The following ADCY8 variants were observed in gnomAD, a reference collection of about 807,000 sequenced individuals.
ADCY8 encodes adenylate cyclase 8, also known as adenylate cyclase type 8.
ADCY8 carries 51 observed loss-of-function variants against 119.7 expected under a neutral mutation model. The observed-to-expected ratio is 0.43, with a 90% confidence interval of 0.34 to 0.54. The LOEUF is 0.54. Among genes scored for constraint, ADCY8 ranks in the 20% least tolerant of loss-of-function variants. The pLI is 0.03. For synonymous variants in ADCY8, 665 were observed against 651.0 expected, an observed-to-expected ratio of 1.02 and a Z score of -0.33; for missense variants, 1,383 against 1,598.8, an observed-to-expected ratio of 0.87 and a Z score of 2.30.
chr8:130,917,050 A>T (rs1820151215), intron 5 of ADCY8, among the ~76,000 whole-genome samples: 1 of 152,196 alleles, frequency 6.6e-6, no homozygotes, highest in Non-Finnish European at 1.5e-5. Flanking sequence ...TCTCATTTTG[A>T]TAGCCACAGT....
intron 5 of ADCY8, among the ~76,000 whole-genome samples, chr8:130,932,097 C>T (rs971884509): frequency 6.6e-6 from 1 of 152,178 alleles, no homozygotes; most frequent in Non-Finnish European, 1.5e-5. Flanking sequence ...TGGGAAAGCA[C>T]TACGGCAGGT....
rs1321771549 is a variant in ADCY8 at position 130,849,775 on chromosome 8, T to C, written c.2239A>G (p.Ile747Val). 1.9e-6 allele frequency: 3 copies of C among 1,613,446 alleles called. No homozygotes were observed. In the East Asian group the frequency reaches 6.7e-5, roughly 36 times the overall value. The change falls in exon 10 of 18, where the codon ATT becomes GTT. Residue 747 changes from isoleucine to valine, a missense_variant. Physicochemically the swap from Ile to Val is conservative, Grantham distance 29. Coordinates refer to ENST00000286355, the MANE Select transcript of ADCY8 (RefSeq NM_001115.3). ...RVMPMTIQFS[I>V]LIMLHSALVL... ...AGAGCCGAGTGCAGCATAATCAGAA[T>C]GGAGAACTGGATGGTCATTGGCATC...
At chr8:130,923,348 C>T (rs1340937604) in intron 5 of ADCY8, among the ~76,000 whole-genome samples, 1 of 152,196 alleles carries the variant, frequency 6.6e-6, no homozygotes. Context: ...CAGGTTTAGG[C>T]ATTCTTGCCT....
chr8:130,877,060 A>G (rs895971251), intron 8 of ADCY8, among the ~76,000 whole-genome samples: 2 of 152,184 alleles, frequency 1.3e-5, no homozygotes, highest in African/African-American at 4.8e-5. Flanking sequence ...CCATAAAGGA[A>G]GTTGTGACAC....
chr8:130,857,267 A>G (rs1817772931), intron 9 of ADCY8, among the ~76,000 whole-genome samples: 1 of 152,048 alleles, frequency 6.6e-6, no homozygotes, highest in Non-Finnish European at 1.5e-5. Context: ...AATAAAAACA[A>G]AAGCCCATCC....
At chr8:130,853,482 T>C (rs1817606470) in intron 9 of ADCY8, among the ~76,000 whole-genome samples, 1 of 152,186 alleles carries the variant, frequency 6.6e-6, no homozygotes, top group Non-Finnish European at 1.5e-5. Context: ...GGAGGCCATG[T>C]GGTCTCTTGA....
At chr8:130,803,231 A>T (rs1273717749) in intron 14 of ADCY8, among the ~76,000 whole-genome samples, 1 of 152,174 alleles carries the variant, frequency 6.6e-6, no homozygotes, top group African/African-American at 2.4e-5. Flanking sequence ...TTCCTTTACC[A>T]GGCTAACTCT....
chr8:130,905,414 G>T (rs556106015), intron 6 of ADCY8, among the ~76,000 whole-genome samples: 1 of 152,108 alleles, frequency 6.6e-6, no homozygotes. Context: ...CGTACTATTT[G>T]GTGCTTACTA....
chr8:130,811,966 A>G (rs1816181374), intron 14 of ADCY8, among the ~76,000 whole-genome samples: 1 of 152,190 alleles, frequency 6.6e-6, no homozygotes, highest in Admixed American at 6.5e-5. Context: ...CTTTCCCTTG[A>G]AGGTTAGAGG....
intron 5 of ADCY8, among the ~76,000 whole-genome samples, chr8:130,919,123 G>A (rs532682305): frequency 6.9e-4 from 105 of 152,274 alleles, no homozygotes; most frequent in Non-Finnish European, 1.1e-3. Context: ...TGTTTAAACA[G>A]AGCTCTGTGG....
At chr8:130,800,334 A>AAG in intron 15 of ADCY8, 92 bp downstream of exon 15, 1 of 1,522,176 alleles carries the variant, frequency 6.6e-7, no homozygotes, top group Non-Finnish European at 8.9e-7. Flanking sequence ...TTAAGTGCAA[A>AAG]AAAAAAAAAT....
At chr8:130,850,340 C>G (rs149877345) in intron 9 of ADCY8, among the ~76,000 whole-genome samples, 1 of 152,264 alleles carries the variant, frequency 6.6e-6, no homozygotes, top group East Asian at 1.9e-4. Context: ...CAGCATCACT[C>G]TCGAGTTTAC....
At chr8:130,831,773 G>T (rs534054560) in intron 12 of ADCY8, among the ~76,000 whole-genome samples, 1 of 152,276 alleles carries the variant, frequency 6.6e-6, no homozygotes, top group Admixed American at 6.5e-5. Context: ...TGAGGAGGGG[G>T]AATTGAGAGT....
intron 12 of ADCY8, among the ~76,000 whole-genome samples, chr8:130,835,634 G>A (rs147483973): frequency 1.3e-5 from 2 of 151,872 alleles, no homozygotes; most frequent in South Asian, 4.2e-4. Context: ...TTTGTCCCTT[G>A]GTATCAGCCC....
intron 5 of ADCY8, among the ~76,000 whole-genome samples, chr8:130,913,166 C>T (rs1375494403): frequency 1.3e-5 from 2 of 152,048 alleles, no homozygotes; most frequent in East Asian, 3.8e-4. Context: ...TATCCATTCC[C>T]TCAAGCATTT....
intron 1 of ADCY8, among the ~76,000 whole-genome samples, chr8:131,026,592 GC>G (rs1431416845): frequency 2.0e-5 from 3 of 152,000 alleles, no homozygotes; most frequent in Admixed American, 6.6e-5. Context: ...CCATTACCTG[GC>G]AACTTGTCAG....
intron 8 of ADCY8, among the ~76,000 whole-genome samples, chr8:130,873,800 T>C (rs904416628): frequency 1.3e-5 from 2 of 152,156 alleles, no homozygotes; most frequent in African/African-American, 2.4e-5. Context: ...AAGTCCTCAA[T>C]TGGGAGCCCA....
At chr8:130,805,138 A>G (rs1188740083) in intron 14 of ADCY8, among the ~76,000 whole-genome samples, 1 of 152,208 alleles carries the variant, frequency 6.6e-6, no homozygotes, top group African/African-American at 2.4e-5. Flanking sequence ...AATATTAGCT[A>G]CTTTTTTGAG....
chr8:130,953,594 T>G (rs1308972611), intron 2 of ADCY8, among the ~76,000 whole-genome samples: 1 of 152,226 alleles, frequency 6.6e-6, no homozygotes, highest in African/African-American at 2.4e-5. Flanking sequence ...TGAAGAAGTT[T>G]AGATTCCAAC....
Sources: gnomAD v4.1 joint callset for allele counts (sites outside exome capture counted in the v4.1 genomes callset) on GRCh38, gnomAD v4.1.1 for gene constraint, MANE v1.5 for transcripts, NCBI Gene and HGNC (gene_info 2026-07-23, HGNC 2026-07-21) for gene names.